MBNL2: variants seen among roughly 807,000 people sequenced by gnomAD.
MBNL2 encodes muscleblind-like protein 2.
Under a neutral mutation model 41.9 loss-of-function variants are expected in MBNL2, and 17 were observed. The ratio of observed to expected loss-of-function variants is 0.41; its 90% CI spans 0.28 to 0.61. MBNL2 has a LOEUF of 0.61. Among genes scored for constraint, MBNL2 ranks in the 20% least tolerant of loss-of-function variants. The pLI, the probability that MBNL2 is intolerant of heterozygous loss-of-function variation, is 0.35. For missense variants in MBNL2, 336 were observed against 505.6 expected, an observed-to-expected ratio of 0.66 and a Z score of 3.22; for synonymous variants, 195 against 182.9, an observed-to-expected ratio of 1.07 and a Z score of -0.53.
At chr13:97,212,151 GA>G in the MBNL2 span, among the ~76,000 whole-genome samples, 1 of 152,168 alleles carries the variant, frequency 6.6e-6, no homozygotes, top group African/African-American at 2.4e-5. Flanking sequence ...GTGGAATTCA[GA>G]AACAAGGGGT....
the MBNL2 span, among the ~76,000 whole-genome samples, chr13:97,176,946 CTT>C: frequency 6.6e-6 from 1 of 152,014 alleles, no homozygotes; most frequent in African/African-American, 2.4e-5. Flanking sequence ...AATTCTCTCT[CTT>C]GAAGGGCAGA....
chr13:97,262,410 C>T lies in MBNL2; in HGVS notation c.-604-13222C>T, dbSNP rs577820314. Among the ~76,000 whole-genome samples, 249 of 152,276 alleles carry T rather than the reference C, an allele frequency of 1.6e-3. 1 individual carries two copies. The highest frequency in any genetic ancestry group is 5.7e-3 in the African/African-American group (238 of 41,558). On this transcript the variant is annotated intron_variant, in intron 1 of 8. Transcript: ENST00000679496. Reference sequence around the variant, plus strand: ...TACTCCCTCCTCTTGAAACTCTGAACCTTTCTCCCTCACTGTTGCATTATT... The same window carrying T: ...TACTCCCTCCTCTTGAAACTCTGAATCTTTCTCCCTCACTGTTGCATTATT...
the MBNL2 span, among the ~76,000 whole-genome samples, chr13:97,144,193 C>A: frequency 1.3e-5 from 2 of 151,708 alleles, no homozygotes; most frequent in Admixed American, 6.6e-5. Flanking sequence ...GAAAAGGGAG[C>A]GGCTGCTCTG....
At chr13:97,340,686 G>A (rs1157972517) in intron 3 of MBNL2, among the ~76,000 whole-genome samples, 5 of 152,076 alleles carry the variant, frequency 3.3e-5, no homozygotes, top group East Asian at 1.9e-4. Flanking sequence ...GTGTCAGAGT[G>A]CTAGGTTTGA....
intron 1 of MBNL2, among the ~76,000 whole-genome samples, chr13:97,241,083 C>T (rs1175779571): frequency 6.6e-6 from 1 of 152,168 alleles, no homozygotes; most frequent in African/African-American, 2.4e-5. Context: ...TCTGGTCCCT[C>T]AGGAAAGGTT....
intron 2 of MBNL2, among the ~76,000 whole-genome samples, chr13:97,297,775 C>A (rs1298850040): frequency 3.9e-5 from 6 of 152,156 alleles, no homozygotes; most frequent in Non-Finnish European, 8.8e-5. Context: ...TGGTTTGCCT[C>A]CCAGTTTCAA....
chr13:97,252,103 G>A (rs932980124), intron 1 of MBNL2, among the ~76,000 whole-genome samples: 12 of 151,850 alleles, frequency 7.9e-5, no homozygotes, highest in African/African-American at 4.8e-5. Context: ...ACCCGCCTCG[G>A]CCTCCCAAAG....
chr13:97,308,585 C>T (rs1312862093), intron 2 of MBNL2, among the ~76,000 whole-genome samples: 3 of 152,194 alleles, frequency 2.0e-5, no homozygotes, highest in East Asian at 1.9e-4. Context: ...AAATCTTACA[C>T]CTAATGCTTA....
chr13:97,156,429 G>C, the MBNL2 span, among the ~76,000 whole-genome samples: 3 of 143,942 alleles, frequency 2.1e-5, no homozygotes, highest in East Asian at 4.1e-4. Flanking sequence ...TTTGGCTTTT[G>C]TTGCCATTGC....
intron 5 of MBNL2, among the ~76,000 whole-genome samples, chr13:97,352,964 A>G (rs1400735953): frequency 6.6e-6 from 1 of 152,232 alleles, no homozygotes; most frequent in Non-Finnish European, 1.5e-5. Context: ...TGATGGGGAT[A>G]AGAGGGAAAA....
intron 1 of MBNL2, among the ~76,000 whole-genome samples, chr13:97,254,752 G>A (rs1038608421): frequency 2.6e-5 from 4 of 152,020 alleles, no homozygotes; most frequent in Admixed American, 6.6e-5. Flanking sequence ...TAACAAAAAC[G>A]GTCAATGTGA....
At chr13:97,178,901 A>G in the MBNL2 span, among the ~76,000 whole-genome samples, 3 of 152,318 alleles carry the variant, frequency 2.0e-5, no homozygotes, top group South Asian at 4.1e-4. Context: ...TGTCTCAAAA[A>G]CACAAAAACA....
At chr13:97,217,817 C>G (rs996689723), upstream of MBNL2, among the ~76,000 whole-genome samples, 1 of 151,344 alleles carries the variant, frequency 6.6e-6, no homozygotes, top group African/African-American at 2.4e-5. Context: ...AGGTGAGGGG[C>G]AAAATTGGAG....
intron 1 of MBNL2, among the ~76,000 whole-genome samples, chr13:97,237,796 C>G (rs940841023): frequency 1.3e-5 from 2 of 152,138 alleles, no homozygotes; most frequent in African/African-American, 2.4e-5. Flanking sequence ...TATTTTTAAG[C>G]AGGTAAATGA....
At chr13:97,318,631 G>C (rs1438391967) in intron 2 of MBNL2, among the ~76,000 whole-genome samples, 1 of 152,184 alleles carries the variant, frequency 6.6e-6, no homozygotes, top group Non-Finnish European at 1.5e-5. Flanking sequence ...CATCAATTCA[G>C]TTTGTAAATA....
intron 2 of MBNL2, among the ~76,000 whole-genome samples, chr13:97,290,867 A>G (rs1482120890): frequency 6.6e-6 from 1 of 152,208 alleles, no homozygotes; most frequent in Non-Finnish European, 1.5e-5. Context: ...TTGCTTTCTG[A>G]GCTGAGGCCT....
chr13:97,315,451 C>T (rs1470824626), intron 2 of MBNL2, among the ~76,000 whole-genome samples: 2 of 152,144 alleles, frequency 1.3e-5, no homozygotes, highest in African/African-American at 2.4e-5. Flanking sequence ...ACAAGATAGG[C>T]CCAAGATGGG....
chr13:97,316,128 G>A (rs999595457), intron 2 of MBNL2, among the ~76,000 whole-genome samples: 5 of 152,140 alleles, frequency 3.3e-5, no homozygotes, highest in East Asian at 1.9e-4. Flanking sequence ...TGCTTGAGCC[G>A]TGCTTTCTGC....
At chr13:97,285,637 AG>A (rs2054269165) in intron 2 of MBNL2, among the ~76,000 whole-genome samples, 1 of 152,250 alleles carries the variant, frequency 6.6e-6, no homozygotes, top group East Asian at 1.9e-4. Context: ...GGATTCAGCC[AG>A]TAGACTGCCA....
Sources: allele counts gnomAD v4.1 joint callset (sites outside exome capture counted in the v4.1 genomes callset), GRCh38; gene constraint gnomAD v4.1.1; transcripts MANE v1.5; gene names NCBI Gene and HGNC (gene_info 2026-07-23, HGNC 2026-07-21).